L3MBTL4: variants seen among roughly 807,000 people sequenced by gnomAD.
L3MBTL4 encodes lethal(3)malignant brain tumor-like protein 4.
Under a neutral mutation model 84.5 loss-of-function variants are expected in L3MBTL4, and 70 were observed. The ratio of observed to expected loss-of-function variants is 0.83; its 90% CI spans 0.68 to 1.01. L3MBTL4 has a LOEUF of 1.01. Ranked by LOEUF, L3MBTL4 falls within the 50% of genes least tolerant of loss-of-function variation. The pLI, the probability that L3MBTL4 is intolerant of heterozygous loss-of-function variation, is 0.00. For missense variants in L3MBTL4, 715 were observed against 754.8 expected (o/e 0.95, Z 0.62); for synonymous variants, 274 against 259.8 (o/e 1.05, Z -0.52).
At chr18:6,186,490 G>T (rs1161484523) in intron 12 of L3MBTL4, among the ~76,000 whole-genome samples, 1 of 152,188 alleles carries the variant, frequency 6.6e-6, no homozygotes, top group Non-Finnish European at 1.5e-5. Context: ...GAAATGGGGA[G>T]GACATGGGAT....
intron 12 of L3MBTL4, among the ~76,000 whole-genome samples, chr18:6,183,728 G>C (rs1405888975): frequency 1.3e-5 from 2 of 152,192 alleles, no homozygotes; most frequent in African/African-American, 2.4e-5. Flanking sequence ...GGATATTTTT[G>C]AGAGTAAAAG....
At chr18:6,289,950 G>C (rs900527548) in intron 4 of L3MBTL4, among the ~76,000 whole-genome samples, 2 of 152,120 alleles carry the variant, frequency 1.3e-5, no homozygotes, top group African/African-American at 4.8e-5. Context: ...TTGAGACAGG[G>C]ACTTGCTCTG....
At chr18:6,201,420 G>A (rs1489479740) in intron 12 of L3MBTL4, among the ~76,000 whole-genome samples, 2 of 152,140 alleles carry the variant, frequency 1.3e-5, no homozygotes, top group African/African-American at 2.4e-5. Context: ...AGGAGCGAGG[G>A]TGTGTGAAAC....
chr18:6,305,854 C>T (rs1479865081), intron 3 of L3MBTL4, among the ~76,000 whole-genome samples: 2 of 152,156 alleles, frequency 1.3e-5, no homozygotes, highest in African/African-American at 2.4e-5. Context: ...TTAGTGTCTA[C>T]GTTTCTCTGT....
At chr18:6,407,297 C>T (rs1295872711) in intron 1 of L3MBTL4, among the ~76,000 whole-genome samples, 1 of 152,156 alleles carries the variant, frequency 6.6e-6, no homozygotes, top group Non-Finnish European at 1.5e-5. Context: ...CTTAACAGTT[C>T]CTCTTCTAAG....
At chr18:6,230,715 A>G (rs1437445522) in intron 10 of L3MBTL4, among the ~76,000 whole-genome samples, 2 of 152,228 alleles carry the variant, frequency 1.3e-5, no homozygotes, top group Admixed American at 6.5e-5. Flanking sequence ...CCCGCAATGT[A>G]TAAGTGTTCA....
At chr18:6,279,492 C>T (rs2049232317) in intron 4 of L3MBTL4, among the ~76,000 whole-genome samples, 1 of 152,122 alleles carries the variant, frequency 6.6e-6, no homozygotes, top group Non-Finnish European at 1.5e-5. Context: ...CCTGAATGGG[C>T]CCAGTCCTGT....
chr18:5,990,915 C>T (rs2053668102), intron 16 of L3MBTL4, among the ~76,000 whole-genome samples: 1 of 152,052 alleles, frequency 6.6e-6, no homozygotes, highest in Admixed American at 6.6e-5. Context: ...GCACACAGGG[C>T]CTAGGCTTGG....
At chr18:6,244,972 C>T (rs556207179) in intron 5 of L3MBTL4, among the ~76,000 whole-genome samples, 19 of 152,212 alleles carry the variant, frequency 1.2e-4, no homozygotes, top group South Asian at 8.3e-4. Context: ...TGTATTGGCA[C>T]GATCTTGGCT....
At chr18:6,035,377 T>A (rs888862705) in intron 16 of L3MBTL4, among the ~76,000 whole-genome samples, 13 of 152,140 alleles carry the variant, frequency 8.5e-5, no homozygotes, top group African/African-American at 3.1e-4. Flanking sequence ...GGCTAGCCAG[T>A]TTTCCCAGCA....
At chr18:6,304,789 C>G (rs1215219659) in intron 3 of L3MBTL4, among the ~76,000 whole-genome samples, 1 of 152,204 alleles carries the variant, frequency 6.6e-6, no homozygotes, top group African/African-American at 2.4e-5. Flanking sequence ...AACAAAGAGA[C>G]TCCCTTCTAC....
chr18:6,017,808 G>A (rs1325712087), intron 16 of L3MBTL4: 1 of 152,224 alleles, frequency 6.6e-6, no homozygotes, highest in African/African-American at 2.4e-5. Flanking sequence ...AAAGGTGAAA[G>A]ATGTAGTCGT....
chr18:5,973,196 G>GT (rs1344147362), intron 16 of L3MBTL4, among the ~76,000 whole-genome samples: 1 of 152,220 alleles, frequency 6.6e-6, no homozygotes, highest in Non-Finnish European at 1.5e-5. Context: ...GAGATTCAGG[G>GT]TCTTGAGGGC....
At chr18:6,004,477 CT>C (rs1179041688) in intron 16 of L3MBTL4, among the ~76,000 whole-genome samples, 1 of 152,120 alleles carries the variant, frequency 6.6e-6, no homozygotes, top group Non-Finnish European at 1.5e-5. Context: ...TTTTCTCAAA[CT>C]TTTACAGAAA....
intron 5 of L3MBTL4, among the ~76,000 whole-genome samples, chr18:6,245,974 A>G (rs535085650): frequency 6.6e-6 from 1 of 152,332 alleles, no homozygotes; most frequent in East Asian, 1.9e-4. Flanking sequence ...CTATGGTGTC[A>G]GGTAGAGGCC....
chr18:6,241,923 G>A (rs906086230), intron 7 of L3MBTL4, among the ~76,000 whole-genome samples: 4 of 152,074 alleles, frequency 2.6e-5, no homozygotes, highest in Middle Eastern at 3.2e-3. Flanking sequence ...AGCCATCCAG[G>A]ATGCCAGGCA....
chr18:5,990,778 T>TGG (rs1445865679), intron 16 of L3MBTL4, among the ~76,000 whole-genome samples: 10 of 151,156 alleles, frequency 6.6e-5, no homozygotes, highest in South Asian at 2.1e-4. Context: ...TGGGTGTGTG[T>TGG]GTGTGTGTGT....
chr18:6,350,478 C>T (rs2729737), intron 1 of L3MBTL4, among the ~76,000 whole-genome samples: 38,648 of 149,628 alleles, frequency 0.26, 6,117 homozygotes, highest in African/African-American at 0.45. Flanking sequence ...TTCTAATAGC[C>T]AATAATCATG....
At chr18:6,282,558 A>T (rs554861696) in intron 4 of L3MBTL4, among the ~76,000 whole-genome samples, 1 of 152,300 alleles carries the variant, frequency 6.6e-6, no homozygotes, top group East Asian at 1.9e-4. Context: ...GAAGGGGCAC[A>T]TTGCAGGAGA....
Sources: gnomAD v4.1 joint callset for allele counts (sites outside exome capture counted in the v4.1 genomes callset) on GRCh38, gnomAD v4.1.1 for gene constraint, MANE v1.5 for transcripts, NCBI Gene and HGNC (gene_info 2026-07-23, HGNC 2026-07-21) for gene names.